Variants in RANBP2 observed in about 807,000 individuals in gnomAD.
RANBP2 encodes the protein E3 SUMO-protein ligase RanBP2.
Under a neutral mutation model 303.6 loss-of-function variants are expected in RANBP2, and 57 were observed. That is an observed-to-expected ratio of 0.19 (90% CI 0.15 to 0.23). The LOEUF is 0.23. Among genes scored for constraint, RANBP2 ranks in the 10% least tolerant of loss-of-function variants. RANBP2 has a pLI of 1.00. For missense variants in RANBP2, 3,138 were observed against 3,780.8 expected (o/e 0.83, Z 4.46); for synonymous variants, 1,167 against 1,301.5 (o/e 0.90, Z 2.23).
At chr2:109,612,564 G>A in the RANBP2 span, among the ~76,000 whole-genome samples, 1 of 152,182 alleles carries the variant, frequency 6.6e-6, no homozygotes, top group Non-Finnish European at 1.5e-5. Flanking sequence ...AGTAAAGTTA[G>A]CCTCAAAGCA....
the RANBP2 span, among the ~76,000 whole-genome samples, chr2:109,423,545 G>T: frequency 6.6e-6 from 1 of 152,208 alleles, no homozygotes; most frequent in African/African-American, 2.4e-5. Context: ...GGCTGGTGCT[G>T]CACTCAGCCT....
chr2:109,287,351 C>T, the RANBP2 span, among the ~76,000 whole-genome samples: 4 of 152,132 alleles, frequency 2.6e-5, no homozygotes, highest in Non-Finnish European at 4.4e-5. Context: ...TAAGAAAGTA[C>T]ATCTTGACTC....
At chr2:109,517,034 G>T in the RANBP2 span, among the ~76,000 whole-genome samples, 1 of 152,132 alleles carries the variant, frequency 6.6e-6, no homozygotes, top group Non-Finnish European at 1.5e-5. Flanking sequence ...ACATGGCTGA[G>T]CTTTGCTCCC....
chr2:109,082,192 TC>T, the RANBP2 span, among the ~76,000 whole-genome samples: 1 of 152,236 alleles, frequency 6.6e-6, no homozygotes, highest in African/African-American at 2.4e-5. Context: ...GACTTCTGCT[TC>T]CAGACTTCAG....
the RANBP2 span, among the ~76,000 whole-genome samples, chr2:109,444,898 A>C: frequency 6.6e-6 from 1 of 152,234 alleles, no homozygotes; most frequent in African/African-American, 2.4e-5. Flanking sequence ...TATGTTTAAG[A>C]TCTAAGAGGA....
the RANBP2 span, chr2:108,906,437 T>C: frequency 3.2e-6 from 5 of 1,543,364 alleles, no homozygotes; most frequent in African/African-American, 5.4e-5. Context: ...AAATCCTCCA[T>C]GTCAGCAGGG....
the RANBP2 span, among the ~76,000 whole-genome samples, chr2:109,513,597 C>T: frequency 1.2e-4 from 19 of 152,278 alleles, no homozygotes; most frequent in East Asian, 2.7e-3. Flanking sequence ...CACAAACACA[C>T]GTCCACACAC....
At chr2:109,144,401 G>A in the RANBP2 span, among the ~76,000 whole-genome samples, 1 of 152,160 alleles carries the variant, frequency 6.6e-6, no homozygotes, top group Non-Finnish European at 1.5e-5. Flanking sequence ...TCAAGTCATA[G>A]AACAAGCAGA....
chr2:108,893,485 G>A, the RANBP2 span, among the ~76,000 whole-genome samples: 4 of 152,158 alleles, frequency 2.6e-5, no homozygotes, highest in East Asian at 1.9e-4. Context: ...ATCCTGGCAC[G>A]AAGGAATAAT....
chr2:109,467,200 C>T, the RANBP2 span, among the ~76,000 whole-genome samples: 1 of 152,238 alleles, frequency 6.6e-6, no homozygotes, highest in East Asian at 1.9e-4. Context: ...TCCGTAGCAG[C>T]TTTATTTGTG....
At chr2:108,837,632 C>CA in the RANBP2 span, among the ~76,000 whole-genome samples, 1 of 152,206 alleles carries the variant, frequency 6.6e-6, no homozygotes, top group Non-Finnish European at 1.5e-5. Flanking sequence ...CTGACGTAAA[C>CA]AAACCTGTGC....
In RANBP2 at chr2:108,750,632, G is replaced by A. The variant is rs183123577; in HGVS notation, c.1274-632G>A. ...AGACAGAGTCTCGCTCTGTCACCCAGGCTGGAGTGCAGTGGCGCAATCTCG... is the reference window on the plus strand; with the variant it reads ...AGACAGAGTCTCGCTCTGTCACCCAAGCTGGAGTGCAGTGGCGCAATCTCG... On this transcript the variant is annotated intron_variant, in intron 9 of 28. Transcript: ENST00000283195. 6.2e-3 allele frequency among the ~76,000 whole-genome samples: 920 copies of A among 147,396 alleles called. 10 individuals are homozygous for A. The highest frequency in any genetic ancestry group is 0.018 in the Middle Eastern group (5 of 280).
the RANBP2 span, among the ~76,000 whole-genome samples, chr2:109,591,741 T>C: frequency 5.3e-5 from 8 of 151,840 alleles, no homozygotes; most frequent in Middle Eastern, 3.4e-3. Flanking sequence ...CTAGTAACAA[T>C]ACAAAAATTG....
the RANBP2 span, among the ~76,000 whole-genome samples, chr2:109,611,224 T>C: frequency 6.6e-5 from 10 of 152,064 alleles, no homozygotes; most frequent in African/African-American, 2.2e-4. Flanking sequence ...ACATAAACTA[T>C]AAAACTTTTA....
At chr2:108,982,255 A>G in the RANBP2 span, among the ~76,000 whole-genome samples, 3 of 152,316 alleles carry the variant, frequency 2.0e-5, no homozygotes, top group South Asian at 2.1e-4. Flanking sequence ...GAAAGCAGCC[A>G]CCTCAAACCC....
At chr2:109,151,602 C>T in the RANBP2 span, among the ~76,000 whole-genome samples, 1 of 152,222 alleles carries the variant, frequency 6.6e-6, no homozygotes, top group South Asian at 2.1e-4. Context: ...AATTTGCATC[C>T]TTTCATCCAT....
chr2:109,064,963 G>T, the RANBP2 span, among the ~76,000 whole-genome samples: 1 of 152,192 alleles, frequency 6.6e-6, no homozygotes, highest in African/African-American at 2.4e-5. Flanking sequence ...CGAGATTTTG[G>T]CAGGCAGGAG....
the RANBP2 span, among the ~76,000 whole-genome samples, chr2:109,197,336 A>AGAAGGGAAGG: frequency 2.0e-5 from 3 of 152,140 alleles, no homozygotes; most frequent in African/African-American, 7.2e-5. Context: ...GGAGGGGTTA[A>AGAAGGGAAGG]GAAGGGAAGG....
the RANBP2 span, among the ~76,000 whole-genome samples, chr2:108,821,003 A>G: frequency 1.1e-5 from 1 of 94,690 alleles, no homozygotes; most frequent in African/African-American, 3.6e-5. Flanking sequence ...CATAGAATGT[A>G]ACAGACAAAA....
Sources: allele counts gnomAD v4.1 joint callset (sites outside exome capture counted in the v4.1 genomes callset), GRCh38; gene constraint gnomAD v4.1.1; transcripts MANE v1.5; gene names NCBI Gene and HGNC (gene_info 2026-07-23, HGNC 2026-07-21).